SLC1A1: variants seen among roughly 807,000 people sequenced by gnomAD.
SLC1A1 encodes solute carrier family 1 member 1, also known as excitatory amino acid transporter 3.
SLC1A1 carries 43 observed loss-of-function variants against 53.3 expected under a neutral mutation model. The observed-to-expected ratio is 0.81, with a 90% CI of 0.63 to 1.04. The LOEUF is 1.04. SLC1A1 is among the 50% of genes least tolerant of loss of function. The pLI, the probability that SLC1A1 is intolerant of heterozygous loss-of-function variation, is 0.00. For missense variants in SLC1A1, 748 were observed against 664.9 expected (o/e 1.12, Z -1.37); for synonymous variants, 307 against 243.2 (o/e 1.26, Z -2.44).
chr9:4,584,913 C>A (rs1821448954), intron 11 of SLC1A1, among the ~76,000 whole-genome samples: 1 of 152,198 alleles, frequency 6.6e-6, no homozygotes, highest in African/African-American at 2.4e-5. Flanking sequence ...CCACAAAACA[C>A]CCAAGTTCTC....
At chr9:4,539,911 G>T (rs187563900) in intron 1 of SLC1A1, among the ~76,000 whole-genome samples, 2 of 152,148 alleles carry the variant, frequency 1.3e-5, no homozygotes, top group African/African-American at 4.8e-5. Context: ...TGGAGAAAGC[G>T]ATAGGGACAG....
intron 7 of SLC1A1, 113 bp from the exon 8 acceptor site, chr9:4,573,794 C>T (rs1283271086): frequency 1.3e-6 from 1 of 782,904 alleles, no homozygotes; most frequent in Non-Finnish European, 2.3e-6. Context: ...TGTGCTCCAC[C>T]AAGTGTGCAT....
rs75932055 is a variant in SLC1A1 at position 4,558,095 on chromosome 9, G to A, written c.233-3354G>A. Among the ~76,000 whole-genome samples the A allele has an allele frequency of 9.5e-3, 1,449 of 152,126 alleles. 23 individuals carry two copies. Among genetic ancestry groups the A allele is most frequent in the African/African-American group, 0.033 (1,351 of 41,470 alleles). ...ATCCTCATCATTATTGACATTACTC[G>A]CAGATGGGGTGTTTACAACCATCCA... On this transcript the variant is annotated intron_variant, in intron 2 of 11. Coordinates refer to ENST00000262352, the MANE Select transcript of SLC1A1 (RefSeq NM_004170.6).
At chr9:4,567,803 G>A in intron 6 of SLC1A1, 36 bp downstream of exon 6, 2 of 1,241,680 alleles carry the variant, frequency 1.6e-6, no homozygotes, top group Non-Finnish European at 2.4e-6. Context: ...TTCCCCAGGA[G>A]ACAGGCACTG....
intron 3 of SLC1A1, among the ~76,000 whole-genome samples, chr9:4,563,256 G>C (rs977481614): frequency 2.0e-5 from 3 of 152,122 alleles, no homozygotes; most frequent in Admixed American, 2.0e-4. Context: ...ATAAGAAGGG[G>C]TGGGATGTGG....
At position 4,587,113 on chromosome 9, in the gene SLC1A1, C is replaced by T. The variant is rs904450329; in HGVS notation, c.*1555C>T. The T allele has an allele frequency of 5.2e-5, 8 of 152,532 alleles. No individual in the cohort carries two copies. Among genetic ancestry groups the T allele is most frequent in the African/African-American group, 1.9e-4 (8 of 41,420 alleles). The allele number at this position is 152,532 out of a possible 1,614,324, so 9.4% of individuals were successfully genotyped here. On this transcript the variant is annotated 3_prime_UTR_variant, in exon 12 of 12. Coordinates refer to ENST00000262352, the MANE Select transcript of SLC1A1 (RefSeq NM_004170.6). The stretch of plus-strand genomic sequence containing the variant: ...AAGATAGCAGAAGAGTAGATAAGTG[C>T]TCAGTATTGACGACCTACATCTGAA...
intron 1 of SLC1A1, among the ~76,000 whole-genome samples, chr9:4,506,761 G>A (rs1820822839): frequency 6.6e-6 from 1 of 152,158 alleles, no homozygotes; most frequent in South Asian, 2.1e-4. Flanking sequence ...CCTATTCAGG[G>A]CCCTGTGTAC....
intron 11 of SLC1A1, among the ~76,000 whole-genome samples, chr9:4,584,464 G>A (rs1564071292): frequency 6.6e-6 from 1 of 152,192 alleles, no homozygotes; most frequent in African/African-American, 2.4e-5. Context: ...CCAATTGGAG[G>A]TATGGGATAA....
intron 1 of SLC1A1, among the ~76,000 whole-genome samples, chr9:4,512,767 TA>T (rs993220074): frequency 2.0e-5 from 3 of 151,974 alleles, no homozygotes; most frequent in Non-Finnish European, 4.4e-5. Flanking sequence ...TGGTCTTTTT[TA>T]TTTTTTTTTA....
chr9:4,550,144 C>A (rs779304901), intron 2 of SLC1A1, among the ~76,000 whole-genome samples: 1 of 152,144 alleles, frequency 6.6e-6, no homozygotes, highest in Non-Finnish European at 1.5e-5. Flanking sequence ...AAACACTAGA[C>A]GTCAGGAGAA....
At chr9:4,552,307 T>C (rs1256488857) in intron 2 of SLC1A1, among the ~76,000 whole-genome samples, 2 of 152,176 alleles carry the variant, frequency 1.3e-5, no homozygotes, top group Non-Finnish European at 2.9e-5. Context: ...ATAAGCACTT[T>C]CTGGGAATGA....
chr9:4,502,110 G>C (rs890656747), intron 1 of SLC1A1, among the ~76,000 whole-genome samples: 3 of 151,532 alleles, frequency 2.0e-5, no homozygotes, highest in African/African-American at 7.3e-5. Flanking sequence ...TTATGGGCCA[G>C]GCACAGTGGC....
intron 1 of SLC1A1, among the ~76,000 whole-genome samples, chr9:4,520,833 C>T (rs1816044044): frequency 6.6e-6 from 1 of 152,164 alleles, no homozygotes; most frequent in South Asian, 2.1e-4. Flanking sequence ...TTTTGAGGAA[C>T]TGCCAAACAG....
intron 6 of SLC1A1, among the ~76,000 whole-genome samples, chr9:4,571,961 A>G (rs947941375): frequency 2.0e-5 from 3 of 152,232 alleles, no homozygotes; most frequent in Non-Finnish European, 4.4e-5. Context: ...TTTATAAGAA[A>G]TATTCAAATA....
chr9:4,571,246 G>A (rs1331222609), intron 6 of SLC1A1, among the ~76,000 whole-genome samples: 1 of 152,160 alleles, frequency 6.6e-6, no homozygotes, highest in Non-Finnish European at 1.5e-5. Context: ...TAGAGGGTGG[G>A]AGGAGGGAGA....
At chr9:4,514,437 G>A (rs1278346243) in intron 1 of SLC1A1, among the ~76,000 whole-genome samples, 5 of 152,150 alleles carry the variant, frequency 3.3e-5, no homozygotes, top group African/African-American at 4.8e-5. Flanking sequence ...ACATTCACAC[G>A]GCCAGCCAGA....
intron 1 of SLC1A1, among the ~76,000 whole-genome samples, chr9:4,496,031 C>G (rs976151613): frequency 1.6e-4 from 24 of 152,118 alleles, no homozygotes; most frequent in Non-Finnish European, 2.9e-4. Flanking sequence ...AGTGGAGTGT[C>G]GACTTAAGAC....
In SLC1A1 at chr9:4,579,899, T is replaced by C. The variant is rs142527697; in HGVS notation, c.1193+3136T>C. ...AATTGTGTGAGAATATGTGTCAAAA[T>C]GGAAAAAAAAAGGATAAATTGTCTT... On this transcript the variant is annotated intron_variant, in intron 10 of 11. Coordinates refer to ENST00000262352, the MANE Select transcript of SLC1A1 (RefSeq NM_004170.6). Among the ~76,000 whole-genome samples the C allele has an allele frequency of 5.3e-4, 80 of 150,804 alleles. 1 individual carries two copies. The East Asian group carries it at 0.015, about 28-fold the overall frequency.
At chr9:4,496,099 A>C (rs1820406558) in intron 1 of SLC1A1, among the ~76,000 whole-genome samples, 1 of 152,144 alleles carries the variant, frequency 6.6e-6, no homozygotes, top group African/African-American at 2.4e-5. Context: ...CTGGGAGAAA[A>C]GGGAGAAGAG....
Sources: gnomAD v4.1 joint callset for allele counts (sites outside exome capture counted in the v4.1 genomes callset) on GRCh38, gnomAD v4.1.1 for gene constraint, MANE v1.5 for transcripts, NCBI Gene and HGNC (gene_info 2026-07-23, HGNC 2026-07-21) for gene names.